PPP2R3C: variants seen among roughly 807,000 people sequenced by gnomAD.
PPP2R3C encodes the protein protein phosphatase 2 regulatory subunit B''gamma, also known as serine/threonine-protein phosphatase 2A regulatory subunit B'' subunit gamma.
A neutral mutation model predicts 63.7 loss-of-function variants in PPP2R3C; 47 were observed. The ratio of observed to expected loss-of-function variants is 0.74; its 90% CI spans 0.58 to 0.94. The LOEUF is 0.94. Ranked by LOEUF, PPP2R3C falls within the 40% of genes least tolerant of loss-of-function variation. PPP2R3C has a pLI of 0.00. For missense variants in PPP2R3C, 421 were observed against 518.4 expected (o/e 0.81, Z 1.82); for synonymous variants, 180 against 177.4 (o/e 1.01, Z -0.12).
intron 6 of PPP2R3C, chr14:35,100,526 A>C (rs1353847650): frequency 3.3e-5 from 5 of 152,214 alleles, no homozygotes; most frequent in African/African-American, 1.2e-4. Flanking sequence ...GATATTTTAA[A>C]ATTTTGAGCG....
At chr14:35,116,957 T>C (rs757795954) in intron 1 of PPP2R3C, 39 of 420,876 alleles carry the variant, frequency 9.3e-5, no homozygotes, top group Non-Finnish European at 1.5e-4. Flanking sequence ...CCATTTCTCA[T>C]GCTCCCTCTA....
In PPP2R3C at chr14:35,099,415, G is replaced by A. The variant is rs142849199; in HGVS notation, c.574-31C>T. On this transcript the variant is annotated intron_variant, in intron 6 of 12. Coordinates refer to ENST00000261475, the MANE Select transcript of PPP2R3C (RefSeq NM_017917.4). The stretch of plus-strand genomic sequence containing the variant: ...AATAAAACAAAATAAAGTGTTAAAT[G>A]TCCAGTCTTGATTCATTAGATATTA... 1.2e-4 allele frequency: 185 copies of A among 1,577,232 alleles called. 1 individual carries two copies. In the African/African-American group the frequency reaches 2.4e-3, roughly 21 times the overall value.
intron 6 of PPP2R3C, among the ~76,000 whole-genome samples, chr14:35,104,389 C>A (rs538334263): frequency 6.6e-6 from 1 of 152,262 alleles, no homozygotes; most frequent in South Asian, 2.1e-4. Flanking sequence ...AGGAACCATA[C>A]GAACTATAAC....
chr14:35,094,135 G>A (rs560028530), intron 10 of PPP2R3C, among the ~76,000 whole-genome samples: 122 of 152,150 alleles, frequency 8.0e-4, no homozygotes, highest in Middle Eastern at 3.4e-3. Flanking sequence ...ATTTAATGAC[G>A]GAACTATCTA....
At chr14:35,106,814 T>C (rs1343230151) in intron 6 of PPP2R3C, among the ~76,000 whole-genome samples, 1 of 151,560 alleles carries the variant, frequency 6.6e-6, no homozygotes, top group Non-Finnish European at 1.5e-5. Flanking sequence ...ATTACAGGTA[T>C]GTGCCACCAA....
chr14:35,089,106 T>G (rs2045704127), intron 11 of PPP2R3C, among the ~76,000 whole-genome samples: 1 of 152,132 alleles, frequency 6.6e-6, no homozygotes, highest in African/African-American at 2.4e-5. Flanking sequence ...TTCAGTTTTT[T>G]TAATTTTTAT....
intron 11 of PPP2R3C, among the ~76,000 whole-genome samples, chr14:35,088,437 T>A (rs1335769379): frequency 6.6e-6 from 1 of 152,166 alleles, no homozygotes; most frequent in Admixed American, 6.6e-5. Context: ...ACCCTACACT[T>A]TGCTTTCTAC....
At chr14:35,098,346 GT>G (rs376634061) in intron 7 of PPP2R3C, among the ~76,000 whole-genome samples, 66 of 94,024 alleles carry the variant, frequency 7.0e-4, no homozygotes, top group African/African-American at 2.2e-3. Flanking sequence ...CGCCTGGCTA[GT>G]TTTTTTTTTT....
intron 6 of PPP2R3C, among the ~76,000 whole-genome samples, chr14:35,105,375 G>C (rs890046135): frequency 2.6e-5 from 4 of 151,724 alleles, no homozygotes; most frequent in African/African-American, 9.7e-5. Context: ...TAGAGACGGG[G>C]TTTCTCCATG....
chr14:35,092,751 G>A, intron 10 of PPP2R3C, among the ~76,000 whole-genome samples: 1 of 152,126 alleles, frequency 6.6e-6, no homozygotes, highest in East Asian at 1.9e-4. Flanking sequence ...ACAGGTGTGA[G>A]CCACCGTGCC....
intron 10 of PPP2R3C, among the ~76,000 whole-genome samples, chr14:35,093,413 T>A (rs1406849079): frequency 6.6e-6 from 1 of 152,102 alleles, no homozygotes; most frequent in African/African-American, 2.4e-5. Context: ...GTAGCCTGAT[T>A]TTCTCTATTC....
chr14:35,099,094 A>T, intron 7 of PPP2R3C, 158 bp downstream of exon 7: 1 of 951,004 alleles, frequency 1.1e-6, no homozygotes, highest in Non-Finnish European at 1.5e-6. Flanking sequence ...AAGTACTGCT[A>T]CTGTTTTTTC....
At chr14:35,100,913 C>T (rs1329482727) in intron 6 of PPP2R3C, 3 of 152,164 alleles carry the variant, frequency 2.0e-5, no homozygotes, top group African/African-American at 7.2e-5. Context: ...TTACAGGTGT[C>T]AGCCACTGTG....
At chr14:35,100,179 T>G (rs1216203235) in intron 6 of PPP2R3C, 1 of 152,212 alleles carries the variant, frequency 6.6e-6, no homozygotes, top group Admixed American at 6.5e-5. Context: ...ATTATATCAT[T>G]GCATAGATGT....
intron 10 of PPP2R3C, 129 bp from the exon 11 acceptor site, chr14:35,091,336 G>A (rs1490204125): frequency 1.2e-6 from 1 of 841,308 alleles, no homozygotes; most frequent in Non-Finnish European, 1.7e-6. Flanking sequence ...GTTATGATAT[G>A]AGAAATCCAT....
At chr14:35,106,663 AT>A (rs35661935) in intron 6 of PPP2R3C, among the ~76,000 whole-genome samples, 34,683 of 100,252 alleles carry the variant, frequency 0.35, 4,999 homozygotes, top group East Asian at 0.4. Context: ...CAGCCAATAC[AT>A]TTTTTTTTTT....
chr14:35,119,289 C>T (rs942479234), intron 1 of PPP2R3C, among the ~76,000 whole-genome samples: 8 of 152,008 alleles, frequency 5.3e-5, no homozygotes, highest in Non-Finnish European at 8.8e-5. Context: ...CTGCCTACCT[C>T]GGCCTCCCGA....
intron 10 of PPP2R3C, among the ~76,000 whole-genome samples, chr14:35,092,027 A>AT (rs1236758529): frequency 6.7e-6 from 1 of 149,228 alleles, no homozygotes; most frequent in Non-Finnish European, 1.5e-5. Flanking sequence ...GCCCTAGTTC[A>AT]TTTTTTTATG....
chr14:35,109,560 C>T (rs576672916), intron 4 of PPP2R3C, among the ~76,000 whole-genome samples: 4 of 151,998 alleles, frequency 2.6e-5, no homozygotes, highest in Admixed American at 2.0e-4. Context: ...CTCATCCTCC[C>T]GGGCTCAAGC....
Sources: gnomAD v4.1 joint callset for allele counts (sites outside exome capture counted in the v4.1 genomes callset) on GRCh38, gnomAD v4.1.1 for gene constraint, MANE v1.5 for transcripts, NCBI Gene and HGNC (gene_info 2026-07-23, HGNC 2026-07-21) for gene names.